The following CLDN10 variants were observed in gnomAD, a reference collection of about 807,000 sequenced individuals.
CLDN10 encodes claudin-10.
Under a neutral mutation model 22.9 loss-of-function variants are expected in CLDN10, and 15 were observed. That is an observed-to-expected ratio of 0.65 (90% CI 0.44 to 1.01). The LOEUF (loss-of-function observed/expected upper bound fraction) is 1.01, where lower values mean the gene tolerates loss of function less well. CLDN10 is among the 50% of genes least tolerant of loss of function. The pLI, the probability that CLDN10 is intolerant of heterozygous loss-of-function variation, is 0.00. For synonymous variants in CLDN10, 114 were observed against 111.4 expected (o/e 1.02, Z -0.15); for missense variants, 247 against 287.8 (o/e 0.86, Z 1.03).
At chr13:95,523,421 C>T (rs887068428) in intron 1 of CLDN10, among the ~76,000 whole-genome samples, 2 of 152,066 alleles carry the variant, frequency 1.3e-5, no homozygotes, top group South Asian at 4.1e-4. Context: ...TATTATCATC[C>T]GTTTAAGTTT....
intron 1 of CLDN10, among the ~76,000 whole-genome samples, chr13:95,515,590 T>A (rs1405768746): frequency 6.6e-6 from 1 of 152,160 alleles, no homozygotes; most frequent in Non-Finnish European, 1.5e-5. Context: ...TCAGGGGCCC[T>A]AACCAAGAGA....
chr13:95,466,685 T>A (rs908121083), intron 1 of CLDN10, among the ~76,000 whole-genome samples: 2 of 152,080 alleles, frequency 1.3e-5, no homozygotes, highest in Non-Finnish European at 2.9e-5. Context: ...TAACTTGTCA[T>A]TGATGCCTTA....
intron 1 of CLDN10, among the ~76,000 whole-genome samples, chr13:95,452,250 T>C (rs1227126521): frequency 6.6e-6 from 1 of 152,246 alleles, no homozygotes; most frequent in East Asian, 1.9e-4. Context: ...TCCTTTCATA[T>C]AGATATTCAC....
chr13:95,447,661 C>A (rs1200317426), intron 1 of CLDN10, among the ~76,000 whole-genome samples: 1 of 152,076 alleles, frequency 6.6e-6, no homozygotes, highest in Non-Finnish European at 1.5e-5. Flanking sequence ...TTTCTCTCAC[C>A]CCACACCTTG....
chr13:95,434,197 T>C, intron 1 of CLDN10: 5 of 667,152 alleles, frequency 7.5e-6, no homozygotes, highest in Non-Finnish European at 1.1e-5. Flanking sequence ...ATGGGGTGTA[T>C]GAGTATTGGC....
intron 1 of CLDN10, among the ~76,000 whole-genome samples, chr13:95,456,261 T>C (rs546082607): frequency 8.2e-4 from 125 of 152,326 alleles, no homozygotes; most frequent in African/African-American, 2.8e-3. Context: ...CTGTCTTTAC[T>C]TTCACAAAAA....
intron 1 of CLDN10, among the ~76,000 whole-genome samples, chr13:95,520,449 C>A (rs770145556): frequency 6.6e-6 from 1 of 152,196 alleles, no homozygotes; most frequent in Non-Finnish European, 1.5e-5. Flanking sequence ...TCTTGGCTCA[C>A]TGCAACCTCT....
At chr13:95,518,377 T>A (rs187424378) in intron 1 of CLDN10, among the ~76,000 whole-genome samples, 1 of 152,244 alleles carries the variant, frequency 6.6e-6, no homozygotes, top group Non-Finnish European at 1.5e-5. Flanking sequence ...TTATAGATCA[T>A]ATCCACAATT....
chr13:95,542,486 C>G (rs2043469198), intron 1 of CLDN10, among the ~76,000 whole-genome samples: 2 of 152,170 alleles, frequency 1.3e-5, no homozygotes, highest in Admixed American at 6.5e-5. Flanking sequence ...AAATAAAATA[C>G]TGCACTGGAA....
At chr13:95,439,720 C>T (rs865863469) in intron 1 of CLDN10, among the ~76,000 whole-genome samples, 3 of 152,256 alleles carry the variant, frequency 2.0e-5, no homozygotes, top group Middle Eastern at 3.4e-3. Flanking sequence ...GCTCCACCTA[C>T]TAATACCATT....
chr13:95,547,990 A>G (rs1317119022), upstream of CLDN10, among the ~76,000 whole-genome samples: 4 of 152,222 alleles, frequency 2.6e-5, no homozygotes, highest in African/African-American at 7.2e-5. Context: ...TAGGAATCCT[A>G]GACTCAGGGG....
intron 3 of CLDN10, among the ~76,000 whole-genome samples, chr13:95,568,561 TG>T (rs1566342892): frequency 1.3e-5 from 2 of 151,918 alleles, no homozygotes; most frequent in Non-Finnish European, 2.9e-5. Context: ...GCATTTTGGG[TG>T]GGGTGTCCCT....
Position 95,510,497 on chromosome 13 carries a change from G to T in CLDN10, c.215-49635G>T, listed in dbSNP as rs1245664734. On this transcript the variant is annotated intron_variant, in intron 1 of 4. Transcript: ENST00000376873. ...GACTGTTTGTTTTCTGTTTTCCCGG[G>T]TTAATGGTAAATGTTTTAAGGGTAA... Among the ~76,000 whole-genome samples the T allele has an allele frequency of 2.6e-5, 4 of 152,030 alleles. No individual in the cohort carries two copies. In the East Asian group the frequency reaches 5.8e-4, roughly 22 times the overall value.
intron 1 of CLDN10, among the ~76,000 whole-genome samples, chr13:95,520,044 G>A (rs576229563): frequency 4.6e-5 from 7 of 152,260 alleles, no homozygotes; most frequent in South Asian, 2.1e-4. Flanking sequence ...GTGCGTACGC[G>A]TGCATGTGTG....
intron 1 of CLDN10, among the ~76,000 whole-genome samples, chr13:95,476,559 A>G (rs2042687887): frequency 6.6e-6 from 1 of 152,094 alleles, no homozygotes; most frequent in African/African-American, 2.4e-5. Context: ...TCAACGTGTG[A>G]ATTTTGGAGG....
chr13:95,544,558 T>C (rs968379577), intron 1 of CLDN10, among the ~76,000 whole-genome samples: 1 of 152,238 alleles, frequency 6.6e-6, no homozygotes, highest in African/African-American at 2.4e-5. Context: ...GCTATTGCTT[T>C]GAACCACAAA....
intron 3 of CLDN10, among the ~76,000 whole-genome samples, chr13:95,566,036 T>C (rs1418278742): frequency 6.6e-6 from 1 of 152,196 alleles, no homozygotes; most frequent in East Asian, 1.9e-4. Flanking sequence ...TGATGGACAT[T>C]TGGGTTTGTT....
intron 1 of CLDN10, among the ~76,000 whole-genome samples, chr13:95,502,723 G>T (rs1009410525): frequency 3.9e-5 from 6 of 152,102 alleles, no homozygotes; most frequent in Non-Finnish European, 7.4e-5. Context: ...GTCTCACCAT[G>T]TTGGCCAGGC....
intron 1 of CLDN10, among the ~76,000 whole-genome samples, chr13:95,536,105 T>C (rs1433885724): frequency 2.0e-5 from 3 of 151,166 alleles, no homozygotes; most frequent in African/African-American, 7.3e-5. Context: ...GATGGTCAGT[T>C]AAAGAAGAAA....
Sources: gnomAD v4.1 joint callset for allele counts (sites outside exome capture counted in the v4.1 genomes callset) on GRCh38, gnomAD v4.1.1 for gene constraint, MANE v1.5 for transcripts, NCBI Gene and HGNC (gene_info 2026-07-23, HGNC 2026-07-21) for gene names.